Variants in ADGRG7 observed in about 807,000 individuals in gnomAD.
The protein encoded by ADGRG7 is G-protein coupled receptor 128.
Under a neutral mutation model 88.6 loss-of-function variants are expected in ADGRG7, and 82 were observed. The observed-to-expected ratio is 0.93, with a 90% CI of 0.77 to 1.11. The LOEUF (loss-of-function observed/expected upper bound fraction) is 1.11, where lower values mean the gene tolerates loss of function less well. Among genes scored for constraint, ADGRG7 ranks in the 50% most tolerant of loss-of-function variants. The pLI, the probability that ADGRG7 is intolerant of heterozygous loss-of-function variation, is 0.00. For missense variants in ADGRG7, 945 were observed against 953.4 expected (o/e 0.99, Z 0.12); for synonymous variants, 381 against 345.2 (o/e 1.10, Z -1.15).
intron 1 of ADGRG7, among the ~76,000 whole-genome samples, chr3:100,625,992 A>G (rs1374001582): frequency 6.6e-6 from 1 of 152,180 alleles, no homozygotes; most frequent in Non-Finnish European, 1.5e-5. Context: ...TGTCTCTGCC[A>G]GGTTTTGTTA....
chr3:100,627,797 C>T (rs1477148295), intron 1 of ADGRG7, among the ~76,000 whole-genome samples: 2 of 152,024 alleles, frequency 1.3e-5, no homozygotes, highest in Admixed American at 1.3e-4. Flanking sequence ...TCTTCTGAGC[C>T]TCTTGGATCT....
At chr3:100,630,872 A>G in intron 3 of ADGRG7, 63 bp downstream of exon 3, 4 of 867,720 alleles carry the variant, frequency 4.6e-6, no homozygotes, top group Non-Finnish European at 6.8e-6. Flanking sequence ...CATACCTCTC[A>G]TACCTCCTAC....
At chr3:100,646,538 C>T (rs372411672) in intron 9 of ADGRG7, 31 bp from the exon 10 acceptor site, 4 of 1,566,214 alleles carry the variant, frequency 2.6e-6, no homozygotes, top group African/African-American at 1.4e-5. Context: ...TATTTAGAAA[C>T]AGTAATTGTA....
chr3:100,629,762 T>C, intron 2 of ADGRG7, 51 bp downstream of exon 2: 1 of 1,191,766 alleles, frequency 8.4e-7, no homozygotes, highest in Non-Finnish European at 1.2e-6. Flanking sequence ...CACTCTTGTG[T>C]TAATAAGAAT....
intron 1 of ADGRG7, among the ~76,000 whole-genome samples, chr3:100,616,854 C>A (rs1707232986): frequency 1.3e-5 from 2 of 151,952 alleles, no homozygotes; most frequent in Non-Finnish European, 2.9e-5. Flanking sequence ...CCCCTCCACA[C>A]CCTAATAATT....
chr3:100,618,565 C>T (rs1707260010), intron 1 of ADGRG7, among the ~76,000 whole-genome samples: 1 of 152,060 alleles, frequency 6.6e-6, no homozygotes. Flanking sequence ...TTTTCTGTTC[C>T]ATTGTTCTAT....
At chr3:100,666,276 T>C (rs1245860693) in intron 14 of ADGRG7, among the ~76,000 whole-genome samples, 1 of 152,074 alleles carries the variant, frequency 6.6e-6, no homozygotes, top group Non-Finnish European at 1.5e-5. Context: ...GTTCAGCATA[T>C]GGAGGATCCC....
intron 14 of ADGRG7, among the ~76,000 whole-genome samples, chr3:100,661,629 G>A (rs1179415056): frequency 1.3e-5 from 2 of 152,092 alleles, no homozygotes; most frequent in Non-Finnish European, 2.9e-5. Context: ...ATTGGACCAT[G>A]GAAATCAGTG....
At chr3:100,657,154 C>T (rs756435683) in intron 13 of ADGRG7, among the ~76,000 whole-genome samples, 35 of 152,184 alleles carry the variant, frequency 2.3e-4, no homozygotes, top group African/African-American at 7.2e-4. Context: ...GGGGAAGATA[C>T]GAGGCAACTG....
At chr3:100,640,356 T>C (rs1013171561) in intron 6 of ADGRG7, among the ~76,000 whole-genome samples, 2 of 152,200 alleles carry the variant, frequency 1.3e-5, no homozygotes, top group Non-Finnish European at 2.9e-5. Context: ...GAATTGCCTT[T>C]CTATAGTATA....
chr3:100,652,072 T>A (rs1053884239), intron 11 of ADGRG7, among the ~76,000 whole-genome samples: 1 of 152,182 alleles, frequency 6.6e-6, no homozygotes, highest in African/African-American at 2.4e-5. Flanking sequence ...AAATCACCTC[T>A]TCTTCCTGTG....
chr3:100,683,448 G>A (rs894591919), intron 15 of ADGRG7, among the ~76,000 whole-genome samples: 1 of 152,204 alleles, frequency 6.6e-6, no homozygotes, highest in Non-Finnish European at 1.5e-5. Flanking sequence ...CCTGGTGTTA[G>A]CCATGGAAGC....
chr3:100,680,084 T>A (rs1380878099), intron 15 of ADGRG7, among the ~76,000 whole-genome samples: 2 of 152,214 alleles, frequency 1.3e-5, no homozygotes, highest in Non-Finnish European at 2.9e-5. Context: ...TATTAAATTC[T>A]CCACCTATGA....
In ADGRG7 at chr3:100,633,347, C is replaced by CAATGAAAATCTGG; in HGVS notation, c.420_432dup (p.Thr145Ter). The CAATGAAAATCTGG allele has an allele frequency of 6.3e-7, 1 of 1,586,948 alleles. No homozygotes were observed. The highest frequency in any genetic ancestry group is 1.1e-5 in the South Asian group (1 of 87,276). ...TACAAAAAGTGACAATAGGAAATTG[C>CAATGAAAATCTGG]AATGAAAATCTGGAAACCCTGGAAA... On this transcript the variant is annotated frameshift_variant, in exon 4 of 16. Coordinates refer to ENST00000273352, the MANE Select transcript of ADGRG7 (RefSeq NM_032787.3). LOFTEE classifies it high-confidence loss of function.
At chr3:100,625,189 G>C (rs1460373633) in intron 1 of ADGRG7, among the ~76,000 whole-genome samples, 1 of 152,144 alleles carries the variant, frequency 6.6e-6, no homozygotes, top group Non-Finnish European at 1.5e-5. Flanking sequence ...TTATCCATTT[G>C]TTTGTGTCCT....
At chr3:100,648,539 G>C (rs1230369625) in intron 10 of ADGRG7, among the ~76,000 whole-genome samples, 1 of 152,050 alleles carries the variant, frequency 6.6e-6, no homozygotes, top group Non-Finnish European at 1.5e-5. Flanking sequence ...AAAATATACT[G>C]ATATGGAAAA....
At chr3:100,618,968 T>C (rs983907732) in intron 1 of ADGRG7, among the ~76,000 whole-genome samples, 5 of 152,226 alleles carry the variant, frequency 3.3e-5, no homozygotes, top group African/African-American at 9.6e-5. Flanking sequence ...TATTTTATTC[T>C]TTTTAAAGCA....
At position 100,649,781 on chromosome 3, in the gene ADGRG7, C is replaced by T. The variant is rs1212494616; in HGVS notation, c.1353C>T (p.Leu451=). 1.2e-6 allele frequency: 2 copies of T among 1,605,730 alleles called. No individual in the cohort carries two copies. Among genetic ancestry groups the T allele is most frequent in the Non-Finnish European group, 1.7e-6 (2 of 1,173,064 alleles). The change falls in exon 11 of 16, where the codon CTC becomes CTT. Residue 451 remains leucine (L), a synonymous_variant. Coordinates refer to ENST00000273352, the MANE Select transcript of ADGRG7 (RefSeq NM_032787.3). ...CACTGTCTGTTACTGGTCTGGCTCT[C>T]ACAGTTATATTTCAGATTGTCACCA... ...GCALSVTGLA[L]TVIFQIVTRK... is the part of the protein sequence containing the mutation.
chr3:100,652,653 C>A (rs2094931461), intron 11 of ADGRG7, among the ~76,000 whole-genome samples: 1 of 152,052 alleles, frequency 6.6e-6, no homozygotes, highest in Non-Finnish European at 1.5e-5. Context: ...CTGAAATCAA[C>A]TTTATTAAGA....
Sources: gnomAD v4.1 joint callset for allele counts (sites outside exome capture counted in the v4.1 genomes callset) on GRCh38, gnomAD v4.1.1 for gene constraint, MANE v1.5 for transcripts, NCBI Gene and HGNC (gene_info 2026-07-23, HGNC 2026-07-21) for gene names.